ERC1: variants seen among roughly 807,000 people sequenced by gnomAD.
ERC1 encodes ELKS/RAB6-interacting/CAST family member 1.
Under a neutral mutation model 132.0 loss-of-function variants are expected in ERC1, and 56 were observed. That is an observed-to-expected ratio of 0.42 (90% CI 0.34 to 0.53). The LOEUF (loss-of-function observed/expected upper bound fraction) is 0.53, where lower values mean the gene tolerates loss of function less well. ERC1 is among the 20% of genes least tolerant of loss of function. ERC1 has a pLI of 0.03. For missense variants in ERC1, 1,202 were observed against 1,349.9 expected, an observed-to-expected ratio of 0.89 and a Z score of 1.72; for synonymous variants, 478 against 476.1, an observed-to-expected ratio of 1.00 and a Z score of -0.05.
rs147929856 is a variant in ERC1, at chr12:1,470,544, C to T, written c.3214-19549C>T. On this transcript the variant is annotated intron_variant, in intron 18 of 18. Transcript: ENST00000360905. Reference sequence around the variant, plus strand: ...GGCGGACTAGCTAACCTGGCTGTGTCTGCGATTCCCAGAGCCCTGCTGCTG... The same window carrying T: ...GGCGGACTAGCTAACCTGGCTGTGTTTGCGATTCCCAGAGCCCTGCTGCTG... 3.6e-3 allele frequency among the ~76,000 whole-genome samples: 550 copies of T among 151,716 alleles called. 3 individuals are homozygous for T. The highest frequency in any genetic ancestry group is 0.013 in the African/African-American group (521 of 41,326).
chr12:1,366,804 G>A (rs1257767155), intron 15 of ERC1, among the ~76,000 whole-genome samples: 1 of 151,950 alleles, frequency 6.6e-6, no homozygotes, highest in Admixed American at 6.6e-5. Context: ...GGAATATGAT[G>A]GCTCTATTAA....
chr12:1,344,590 T>C (rs76175179), intron 15 of ERC1, among the ~76,000 whole-genome samples: 1,621 of 152,304 alleles, frequency 0.011, 32 homozygotes, highest in African/African-American at 0.037. Context: ...TGACTAAAGG[T>C]TAAAAGATAC....
intron 12 of ERC1, among the ~76,000 whole-genome samples, chr12:1,206,915 G>T (rs929987178): frequency 6.6e-6 from 1 of 152,108 alleles, no homozygotes; most frequent in African/African-American, 2.4e-5. Flanking sequence ...TTTTTTGTGT[G>T]TGAAGAATCA....
chr12:1,038,532 T>G (rs1448345532), intron 2 of ERC1, among the ~76,000 whole-genome samples: 1 of 152,130 alleles, frequency 6.6e-6, no homozygotes, highest in Non-Finnish European at 1.5e-5. Flanking sequence ...TGCTAATTTT[T>G]GTATTTTTAG....
chr12:1,490,409 T>C lies in ERC1; in HGVS notation c.*179T>C. 1 of 632,964 alleles carries C rather than the reference T, an allele frequency of 1.6e-6. No homozygotes were observed. The highest frequency in any genetic ancestry group is 2.0e-5 in the South Asian group (1 of 50,360). 39.2% of individuals were successfully genotyped at this position (632,964 alleles called of 1,614,324 possible). A position where few individuals can be genotyped will look rare whatever the true frequency, so the allele number is the denominator to read the frequency against. On this transcript the variant is annotated 3_prime_UTR_variant, in exon 19 of 19. Transcript: ENST00000360905. ...CATCTGCCATCTTACTCTGCCTTTC[T>C]GCTTTGGATGTGGTCTCTACACTAA...
rs1942483266 is a variant in ERC1 at position 1,083,205 on chromosome 12, G to T, written c.711G>T (p.Arg237=). 6.2e-7 allele frequency: 1 copy of T among 1,614,006 alleles called. No homozygotes were observed. The highest frequency in any genetic ancestry group is 1.1e-5 in the South Asian group (1 of 91,066). ...MTIQALQDEL[R]IQRDLNQLFQ... is the part of the protein sequence containing the mutation. Reference sequence around the variant, plus strand: ...TCCAGGCTCTCCAGGATGAATTGCGGATCCAGAGGGACCTGAATCAGCTGT... The same window carrying T: ...TCCAGGCTCTCCAGGATGAATTGCGTATCCAGAGGGACCTGAATCAGCTGT... Residue 237 remains arginine (R), a synonymous_variant, in exon 3 of 19, where the codon CGG becomes CGT. Coordinates refer to ENST00000360905, the MANE Select transcript of ERC1 (RefSeq NM_178040.4).
chr12:1,106,074 C>T (rs1489763419), intron 4 of ERC1, among the ~76,000 whole-genome samples: 1 of 152,170 alleles, frequency 6.6e-6, no homozygotes, highest in Non-Finnish European at 1.5e-5. Flanking sequence ...AAGTTAAACT[C>T]CCTGGATTCA....
At chr12:1,392,779 G>A (rs557268545) in intron 16 of ERC1, among the ~76,000 whole-genome samples, 1 of 152,208 alleles carries the variant, frequency 6.6e-6, no homozygotes, top group South Asian at 2.1e-4. Flanking sequence ...ACTTTTTTTA[G>A]AAAAGCCTGA....
chr12:1,312,737 C>T (rs2081399286), intron 15 of ERC1, among the ~76,000 whole-genome samples: 1 of 152,094 alleles, frequency 6.6e-6, no homozygotes, highest in African/African-American at 2.4e-5. Flanking sequence ...ATAATTGTTT[C>T]TGTTAAATTA....
At chr12:1,162,175 G>T (rs1232524936) in intron 8 of ERC1, among the ~76,000 whole-genome samples, 2 of 152,202 alleles carry the variant, frequency 1.3e-5, no homozygotes, top group African/African-American at 2.4e-5. Context: ...ATGGCCAAGC[G>T]TGCTGTACAA....
intron 15 of ERC1, among the ~76,000 whole-genome samples, chr12:1,303,975 TCC>T (rs2080633940): frequency 8.5e-6 from 1 of 117,148 alleles, no homozygotes; most frequent in African/African-American, 3.5e-5. Flanking sequence ...AAAAAAGAAT[TCC>T]ATTAGCTATA....
At chr12:1,182,187 C>A in intron 10 of ERC1, 122 bp downstream of exon 10, 1 of 915,800 alleles carries the variant, frequency 1.1e-6, no homozygotes, top group Non-Finnish European at 1.6e-6. Context: ...ATTCTTTTAG[C>A]AGGCTTTTGT....
intron 15 of ERC1, among the ~76,000 whole-genome samples, chr12:1,339,097 G>A: frequency 6.6e-6 from 1 of 151,942 alleles, no homozygotes; most frequent in East Asian, 1.9e-4. Flanking sequence ...GCAGGTGCCA[G>A]GGTGCCTGCC....
intron 18 of ERC1, among the ~76,000 whole-genome samples, chr12:1,450,022 A>G (rs1014738870): frequency 2.6e-5 from 4 of 152,138 alleles, no homozygotes; most frequent in African/African-American, 9.7e-5. Context: ...TAGTATTGGA[A>G]TCTGCCAATA....
intron 7 of ERC1, among the ~76,000 whole-genome samples, chr12:1,137,100 C>CTTTTTT (rs944757047): frequency 2.9e-4 from 36 of 122,890 alleles, no homozygotes; most frequent in Admixed American, 5.3e-4. Flanking sequence ...TTTTTCTTTT[C>CTTTTTT]TTTTTTTTTT....
chr12:1,265,774 G>A (rs1371442066), intron 14 of ERC1, among the ~76,000 whole-genome samples: 2 of 152,064 alleles, frequency 1.3e-5, no homozygotes, highest in African/African-American at 2.4e-5. Flanking sequence ...CTGTAGTTTT[G>A]CCGTTTTCTT....
At chr12:1,440,721 C>T (rs1046478854) in intron 17 of ERC1, among the ~76,000 whole-genome samples, 2 of 150,020 alleles carry the variant, frequency 1.3e-5, no homozygotes, top group Admixed American at 6.7e-5. Flanking sequence ...GATCTCAGCT[C>T]ACTGCAACCT....
intron 2 of ERC1, among the ~76,000 whole-genome samples, chr12:1,043,509 G>C (rs1375703504): frequency 6.6e-6 from 1 of 152,186 alleles, no homozygotes; most frequent in Non-Finnish European, 1.5e-5. Context: ...CTGGCTGTTA[G>C]AATAACTGGG....
In ERC1 at chr12:1,110,499, T is replaced by A. The variant is rs1473799854; in HGVS notation, c.1317+152T>A. 1.3e-5 allele frequency: 8 copies of A among 618,014 alleles called. No homozygotes were observed. In the East Asian group the frequency reaches 2.5e-4, roughly 19 times the overall value. 38.3% of individuals were successfully genotyped at this position (618,014 alleles called of 1,614,324 possible). A position where few individuals can be genotyped will look rare whatever the true frequency, so the allele number is the denominator to read the frequency against. The stretch of plus-strand genomic sequence containing the variant: ...TAGCATAGTTCTTTCAAATGAAACT[T>A]CTCCAGAATTAAAGTCAGAATTACT... On this transcript the variant is annotated intron_variant, in intron 5 of 18. Transcript: ENST00000360905.
Sources: gnomAD v4.1 joint callset for allele counts (sites outside exome capture counted in the v4.1 genomes callset) on GRCh38, gnomAD v4.1.1 for gene constraint, MANE v1.5 for transcripts, NCBI Gene and HGNC (gene_info 2026-07-23, HGNC 2026-07-21) for gene names.